The following AGMO variants were observed in gnomAD, a reference collection of about 807,000 sequenced individuals.
AGMO encodes glyceryl-ether monooxygenase.
AGMO carries 75 observed loss-of-function variants against 60.2 expected under a neutral mutation model. The observed-to-expected ratio is 1.25, with a 90% CI of 1.03 to 1.51. The LOEUF is 1.51. AGMO is among the 40% of genes most tolerant of loss of function. AGMO has a pLI of 0.00. For synonymous variants in AGMO, 261 were observed against 177.1 expected (o/e 1.47, Z -3.76); for missense variants, 763 against 525.5 (o/e 1.45, Z -4.42).
At chr7:15,560,018 G>T in intron 2 of AGMO, 123 bp downstream of exon 2, 1 of 936,346 alleles carries the variant, frequency 1.1e-6, no homozygotes, top group Non-Finnish European at 1.5e-6. Context: ...ATAATGACAT[G>T]AACTGAATTT....
the AGMO span, among the ~76,000 whole-genome samples, chr7:15,175,669 C>A: frequency 3.7e-4 from 56 of 151,870 alleles, no homozygotes; most frequent in African/African-American, 1.3e-3. Context: ...GCATTTTAAT[C>A]TTTAAAACAC....
the AGMO span, among the ~76,000 whole-genome samples, chr7:15,184,402 A>C: frequency 1.9e-5 from 1 of 53,018 alleles, no homozygotes; most frequent in Non-Finnish European, 3.9e-5. Context: ...AGAGGGAGGA[A>C]GAAAGGGAAG....
At chr7:15,498,468 G>A (rs1323145937) in intron 3 of AGMO, among the ~76,000 whole-genome samples, 1 of 151,862 alleles carries the variant, frequency 6.6e-6, no homozygotes, top group East Asian at 1.9e-4. Context: ...CCATGCTAAC[G>A]TTTCTGCAGT....
intron 12 of AGMO, among the ~76,000 whole-genome samples, chr7:15,346,025 T>C (rs1275017491): frequency 6.6e-6 from 1 of 152,170 alleles, no homozygotes; most frequent in African/African-American, 2.4e-5. Context: ...ACATTTTCCT[T>C]TTAAAGCAAA....
intron 3 of AGMO, among the ~76,000 whole-genome samples, chr7:15,446,782 T>C (rs1781709614): frequency 6.6e-6 from 1 of 152,214 alleles, no homozygotes; most frequent in East Asian, 1.9e-4. Flanking sequence ...GTTTGTTCTT[T>C]GTAAAGAGTT....
chr7:15,228,303 C>T lies in AGMO; in HGVS notation c.1264-26944G>A, dbSNP rs190582901. On this transcript the variant is annotated intron_variant, in intron 12 of 12. Transcript: ENST00000342526. ...AAACCTGAGTTGAAGGCTTTCCAAA[C>T]GATAAAAATACTCCACATAGGGCAT... Among the ~76,000 whole-genome samples the T allele has an allele frequency of 4.6e-4, 70 of 152,016 alleles. 3 individuals are homozygous for T. In the South Asian group the frequency reaches 8.3e-3, roughly 18 times the overall value.
chr7:15,121,057 G>C, the AGMO span, among the ~76,000 whole-genome samples: 1 of 152,092 alleles, frequency 6.6e-6, no homozygotes, highest in Non-Finnish European at 1.5e-5. Flanking sequence ...CCACATGTAA[G>C]TGAGAACATG....
chr7:15,361,066 C>T (rs1316058632), intron 12 of AGMO, among the ~76,000 whole-genome samples: 19 of 152,088 alleles, frequency 1.2e-4, no homozygotes, highest in Admixed American at 9.8e-4. Flanking sequence ...TCATTTGTTA[C>T]TAAGTGATGC....
intron 2 of AGMO, among the ~76,000 whole-genome samples, chr7:15,548,298 G>A (rs1020840650): frequency 1.3e-5 from 2 of 152,142 alleles, no homozygotes; most frequent in South Asian, 4.1e-4. Context: ...CACCAGCAAC[G>A]GAACAAAGCT....
intron 12 of AGMO, among the ~76,000 whole-genome samples, chr7:15,267,741 G>A (rs1199978641): frequency 6.6e-6 from 1 of 151,938 alleles, no homozygotes; most frequent in Non-Finnish European, 1.5e-5. Context: ...ACATTGAAGA[G>A]CAGTGATTAC....
chr7:15,458,126 A>AAC (rs1782045412), intron 3 of AGMO, among the ~76,000 whole-genome samples: 1 of 152,140 alleles, frequency 6.6e-6, no homozygotes. Flanking sequence ...TAAGAGCACC[A>AAC]TCTCTCCTTC....
chr7:15,172,234 C>T, the AGMO span, among the ~76,000 whole-genome samples: 6 of 152,144 alleles, frequency 3.9e-5, no homozygotes, highest in East Asian at 1.2e-3. Context: ...ACAAGATTGC[C>T]AACATTCCAG....
chr7:15,463,586 G>T (rs934440346), intron 3 of AGMO, among the ~76,000 whole-genome samples: 7 of 152,056 alleles, frequency 4.6e-5, no homozygotes, highest in African/African-American at 1.7e-4. Context: ...ATACACTGGA[G>T]ATACAAGAAA....
chr7:15,394,209 T>G (rs201817249), intron 5 of AGMO, 30 bp from the exon 6 acceptor site: 1 of 1,437,656 alleles, frequency 7.0e-7, no homozygotes, highest in South Asian at 1.2e-5. Context: ...TATTTATACA[T>G]GTAGTTATCA....
the AGMO span, among the ~76,000 whole-genome samples, chr7:15,176,330 G>A: frequency 2.0e-5 from 3 of 151,932 alleles, no homozygotes; most frequent in Non-Finnish European, 2.9e-5. Flanking sequence ...TCAAGTTTCC[G>A]ATCTACAACT....
intron 5 of AGMO, among the ~76,000 whole-genome samples, chr7:15,414,398 C>T (rs1384530951): frequency 6.6e-6 from 1 of 151,922 alleles, no homozygotes; most frequent in Non-Finnish European, 1.5e-5. Flanking sequence ...AAAAGTCTTA[C>T]ATTTATGATA....
At chr7:15,534,783 G>C (rs1008972989) in intron 3 of AGMO, among the ~76,000 whole-genome samples, 5 of 151,630 alleles carry the variant, frequency 3.3e-5, no homozygotes, top group African/African-American at 1.2e-4. Flanking sequence ...CTAACAGTGA[G>C]AAAAAAATTA....
At chr7:15,233,203 T>G (rs2128500068) in intron 12 of AGMO, among the ~76,000 whole-genome samples, 1 of 152,326 alleles carries the variant, frequency 6.6e-6, no homozygotes, top group Admixed American at 6.5e-5. Flanking sequence ...ATGAGGACAT[T>G]ACTTTTTTAA....
chr7:15,385,633 G>T, intron 9 of AGMO, 71 bp from the exon 10 acceptor site: 1 of 857,880 alleles, frequency 1.2e-6, no homozygotes, highest in Non-Finnish European at 1.9e-6. Context: ...CACACTAAGA[G>T]ATATTTGAAA....
Sources: gnomAD v4.1 joint callset for allele counts (sites outside exome capture counted in the v4.1 genomes callset) on GRCh38, gnomAD v4.1.1 for gene constraint, MANE v1.5 for transcripts, NCBI Gene and HGNC (gene_info 2026-07-23, HGNC 2026-07-21) for gene names.